The following JAK1 variants were observed in gnomAD, a reference collection of about 807,000 sequenced individuals.
JAK1 encodes the protein tyrosine-protein kinase JAK1.
Under a neutral mutation model 136.6 loss-of-function variants are expected in JAK1, and 16 were observed. The observed-to-expected ratio is 0.12, with a 90% CI of 0.08 to 0.18. JAK1 has a LOEUF of 0.18. JAK1 is among the 10% of genes least tolerant of loss of function. JAK1 has a pLI of 1.00. For missense variants in JAK1, 859 were observed against 1,450.1 expected (o/e 0.59, Z 6.62); for synonymous variants, 492 against 519.5 (o/e 0.95, Z 0.72).
intron 1 of JAK1, among the ~76,000 whole-genome samples, chr1:64,953,839 T>C (rs1646135222): frequency 6.6e-6 from 1 of 151,976 alleles, no homozygotes; most frequent in Admixed American, 6.6e-5. Context: ...TCTTTTTTTC[T>C]TTTTTTCGTA....
At chr1:64,866,536 GT>G (rs1007217334) in intron 7 of JAK1, among the ~76,000 whole-genome samples, 2 of 152,044 alleles carry the variant, frequency 1.3e-5, no homozygotes, top group African/African-American at 2.4e-5. Flanking sequence ...TCCCTCAAAG[GT>G]TTTTTTATTT....
intron 3 of JAK1, among the ~76,000 whole-genome samples, chr1:64,880,269 G>C (rs1553164093): frequency 6.6e-6 from 1 of 152,204 alleles, no homozygotes; most frequent in Non-Finnish European, 1.5e-5. Flanking sequence ...AGAAGTTATA[G>C]TCTTTCTTAT....
intron 1 of JAK1, among the ~76,000 whole-genome samples, chr1:64,937,010 A>G (rs766895519): frequency 5.3e-4 from 80 of 151,668 alleles, no homozygotes; most frequent in Non-Finnish European, 1.0e-3. Context: ...TAGGCCTTTT[A>G]CAGAAAATAT....
At chr1:64,840,475 A>C (rs1049409534) in intron 19 of JAK1, among the ~76,000 whole-genome samples, 2 of 152,174 alleles carry the variant, frequency 1.3e-5, no homozygotes, top group Non-Finnish European at 2.9e-5. Flanking sequence ...GGAAACTCCC[A>C]TTTAAGGTCC....
chr1:64,879,688 TTAAAATC>T (rs1557659034), intron 3 of JAK1, among the ~76,000 whole-genome samples: 1 of 152,220 alleles, frequency 6.6e-6, no homozygotes, highest in Non-Finnish European at 1.5e-5. Context: ...TTGTCAGTGA[TTAAAATC>T]TATTACCATT....
chr1:65,022,765 C>T (rs1031472131), intron 2 of JAK1, among the ~76,000 whole-genome samples: 2 of 152,148 alleles, frequency 1.3e-5, no homozygotes, highest in Admixed American at 1.3e-4. Flanking sequence ...TAGTGTCATG[C>T]TAAAATATTC....
At chr1:64,909,785 C>T (rs2100265565) in intron 1 of JAK1, among the ~76,000 whole-genome samples, 1 of 152,270 alleles carries the variant, frequency 6.6e-6, no homozygotes, top group South Asian at 2.1e-4. Context: ...GACAGCACCT[C>T]TGCACTCCAG....
intron 1 of JAK1, among the ~76,000 whole-genome samples, chr1:64,951,788 A>G (rs1264305178): frequency 6.6e-6 from 1 of 150,930 alleles, no homozygotes; most frequent in Non-Finnish European, 1.5e-5. Flanking sequence ...CCTCCCGAGT[A>G]GCTGGGACTA....
chr1:64,920,266 G>C (rs536292766), intron 1 of JAK1, among the ~76,000 whole-genome samples: 3 of 152,210 alleles, frequency 2.0e-5, no homozygotes, highest in Non-Finnish European at 4.4e-5. Flanking sequence ...AACAGGACAA[G>C]TGTGGTGGCA....
At chr1:64,876,709 G>A (rs1644675703) in intron 4 of JAK1, among the ~76,000 whole-genome samples, 2 of 151,812 alleles carry the variant, frequency 1.3e-5, no homozygotes, top group Admixed American at 6.6e-5. Flanking sequence ...AGATACTATA[G>A]CATGCCAATG....
At chr1:64,922,150 A>G (rs943082871) in intron 1 of JAK1, among the ~76,000 whole-genome samples, 8 of 83,372 alleles carry the variant, frequency 9.6e-5, no homozygotes, top group African/African-American at 7.1e-4. Context: ...TTCTTATGGA[A>G]AAAAAAAACC....
intron 1 of JAK1, among the ~76,000 whole-genome samples, chr1:64,950,201 AG>A (rs1401199272): frequency 6.6e-6 from 1 of 152,188 alleles, no homozygotes; most frequent in Non-Finnish European, 1.5e-5. Context: ...CAAGGTCAGG[AG>A]ATCGAGACCA....
chr1:64,922,669 C>T (rs1287481537), intron 1 of JAK1, among the ~76,000 whole-genome samples: 1 of 152,112 alleles, frequency 6.6e-6, no homozygotes, highest in Non-Finnish European at 1.5e-5. Context: ...TCATAGATTA[C>T]ATATCAAAAA....
chr1:64,934,007 C>T (rs548551592), intron 1 of JAK1, among the ~76,000 whole-genome samples: 2 of 152,308 alleles, frequency 1.3e-5, no homozygotes, highest in African/African-American at 4.8e-5. Context: ...CCCAGGTCCA[C>T]CTCTGGAATT....
intron 2 of JAK1, among the ~76,000 whole-genome samples, chr1:64,988,453 G>C (rs1435145859): frequency 6.6e-6 from 1 of 152,118 alleles, no homozygotes; most frequent in Non-Finnish European, 1.5e-5. Flanking sequence ...CAAAATGGCA[G>C]AGTAGGCAGC....
Position 64,841,520 on chromosome 1 carries a change from T to C in JAK1, c.2485A>G (p.Asn829Asp). The C allele has an allele frequency of 2.5e-6, 4 of 1,614,150 alleles. 1 individual carries two copies. The highest frequency in any genetic ancestry group is 2.5e-6 in the Non-Finnish European group (3 of 1,180,008). ...ELADLMTRCM[N>D]YDPNQRPFFR... Reference sequence around the variant, plus strand: ...AAAGGCCTCTGATTGGGGTCATAGTTCATGCAGCGGGTCATGAGGTCAGCC... The same window carrying C: ...AAAGGCCTCTGATTGGGGTCATAGTCCATGCAGCGGGTCATGAGGTCAGCC... Residue 829 changes from asparagine to aspartate, a missense_variant, in exon 18 of 25, where the codon AAC becomes GAC. Asn to Asp is a conservative substitution (Grantham distance 23, BLOSUM62 1). This residue lies in a region of JAK1 where 409 missense variants were observed against 753.8 expected (regional missense o/e 0.54). Transcript: ENST00000342505.
intron 1 of JAK1, among the ~76,000 whole-genome samples, chr1:64,928,797 C>CAAAAAAAAACAA (rs1557699644): frequency 2.5e-5 from 2 of 80,824 alleles, no homozygotes; most frequent in Admixed American, 1.4e-4. Context: ...AAAAAAAAAA[C>CAAAAAAAAACAA]AAAAAAAAAA....
At position 64,879,119 on chromosome 1, in the gene JAK1, C is replaced by T. The variant is rs2101217319; in HGVS notation, c.235G>A (p.Ala79Thr). The change falls in exon 4 of 25, where the codon GCC becomes ACC. Residue 79 changes from alanine (A) to threonine (T), a missense_variant. By Grantham distance (58) the Ala-to-Thr change is moderately conservative. This residue lies in a region of JAK1 where 353 missense variants were observed against 494.0 expected (regional missense o/e 0.71). Coordinates refer to ENST00000342505, the MANE Select transcript of JAK1 (RefSeq NM_002227.4). Reference sequence around the variant, plus strand: ...AGCTTGGTGTTCTCGTCATACAGGGCAAAGAGGTTGTGACAAAGAGGAGAG... The same window carrying T: ...AGCTTGGTGTTCTCGTCATACAGGGTAAAGAGGTTGTGACAAAGAGGAGAG... ...RISPLCHNLF[A>T]LYDENTKLWY... 1.2e-6 allele frequency: 2 copies of T among 1,613,678 alleles called. No individual in the cohort carries two copies. The highest frequency in any genetic ancestry group is 1.7e-5 in the Admixed American group (1 of 60,004).
At chr1:65,065,322 T>C (rs1243153902) in intron 1 of JAK1, among the ~76,000 whole-genome samples, 1 of 152,194 alleles carries the variant, frequency 6.6e-6, no homozygotes, top group Non-Finnish European at 1.5e-5. Flanking sequence ...ATATCAGCTA[T>C]TCCTTAGCCA....
Sources: allele counts gnomAD v4.1 joint callset (sites outside exome capture counted in the v4.1 genomes callset), GRCh38; gene constraint gnomAD v4.1.1; regional missense constraint gnomAD v4.1.1; transcripts MANE v1.5; gene names NCBI Gene and HGNC (gene_info 2026-07-23, HGNC 2026-07-21).